FAM120A: variants seen among roughly 807,000 people sequenced by gnomAD.
FAM120A encodes the protein family with sequence similarity 120 member A.
Under a neutral mutation model 109.7 loss-of-function variants are expected in FAM120A, and 15 were observed. The ratio of observed to expected loss-of-function variants is 0.14; its 90% CI spans 0.09 to 0.21. The LOEUF (loss-of-function observed/expected upper bound fraction) is 0.21. Among genes scored for constraint, FAM120A ranks in the 10% least tolerant of loss-of-function variants. The pLI is 1.00. For missense variants in FAM120A, 899 were observed against 1,439.3 expected, an observed-to-expected ratio of 0.62 and a Z score of 6.07; for synonymous variants, 493 against 572.8, an observed-to-expected ratio of 0.86 and a Z score of 1.99.
intron 3 of FAM120A, among the ~76,000 whole-genome samples, chr9:93,477,377 T>C (rs1858593456): frequency 6.6e-6 from 1 of 152,258 alleles, no homozygotes; most frequent in African/African-American, 2.4e-5. Flanking sequence ...CTATAAAATG[T>C]TCTCCTTTTC....
At chr9:93,555,715 G>A (rs1212660386) in intron 12 of FAM120A, among the ~76,000 whole-genome samples, 1 of 152,226 alleles carries the variant, frequency 6.6e-6, no homozygotes, top group African/African-American at 2.4e-5. Context: ...ACTGAGGGAA[G>A]TAAAAGTCTG....
rs1480669346 is a variant in FAM120A at position 93,458,217 on chromosome 9, A to G, written c.474+5828A>G. On this transcript the variant is annotated intron_variant, in intron 1 of 17. Coordinates refer to ENST00000277165, the MANE Select transcript of FAM120A (RefSeq NM_014612.5). ...TCTAATTGCACTTTAGATACTCCAG[A>G]GCTTGGACCGTATAATTAGTGAGAA... Among the ~76,000 whole-genome samples the G allele has an allele frequency of 4.6e-5, 7 of 151,534 alleles. No homozygotes were observed. In the East Asian group the frequency reaches 9.7e-4, roughly 21 times the overall value.
intron 3 of FAM120A, among the ~76,000 whole-genome samples, chr9:93,488,282 C>G (rs887641127): frequency 6.6e-6 from 1 of 152,192 alleles, no homozygotes; most frequent in Admixed American, 6.6e-5. Context: ...ACTTCCTTCT[C>G]TTTAATCTCA....
intron 1 of FAM120A, among the ~76,000 whole-genome samples, chr9:93,463,794 G>A (rs1230756031): frequency 6.6e-6 from 1 of 152,136 alleles, no homozygotes; most frequent in African/African-American, 2.4e-5. Flanking sequence ...CCACATTAAC[G>A]GTATGTTTTC....
intron 1 of FAM120A, among the ~76,000 whole-genome samples, chr9:93,466,720 C>A (rs1436104060): frequency 6.6e-6 from 1 of 152,044 alleles, no homozygotes; most frequent in Non-Finnish European, 1.5e-5. Flanking sequence ...TCTGTACCCA[C>A]CTATGTGTGT....
chr9:93,527,614 A>ATTTTTTTTTTTTTTTTTT (rs67894788), intron 8 of FAM120A, among the ~76,000 whole-genome samples: 5 of 80,638 alleles, frequency 6.2e-5, no homozygotes, highest in Non-Finnish European at 1.2e-4. Flanking sequence ...TTTGTATTTA[A>ATTTTTTTTTTTTTTTTTT]TTTTTTTTTT....
intron 1 of FAM120A, chr9:93,453,004 G>C (rs1323616820): frequency 8.0e-7 from 1 of 1,247,630 alleles, no homozygotes; most frequent in Non-Finnish European, 1.0e-6. Context: ...GGTGTTTAGA[G>C]AATCTTTCTA....
intron 10 of FAM120A, 72 bp from the exon 11 acceptor site, chr9:93,543,150 C>T: frequency 6.4e-7 from 1 of 1,554,650 alleles, no homozygotes; most frequent in Non-Finnish European, 8.7e-7. Flanking sequence ...ACTAGAGCTG[C>T]TTGTTTTTGT....
chr9:93,522,604 T>A (rs560215215), intron 7 of FAM120A, among the ~76,000 whole-genome samples: 36 of 152,370 alleles, frequency 2.4e-4, no homozygotes, highest in African/African-American at 8.4e-4. Flanking sequence ...CATTTTTAAA[T>A]GGATATGTAA....
chr9:93,496,950 C>A (rs1443212665), intron 3 of FAM120A, among the ~76,000 whole-genome samples: 1 of 152,216 alleles, frequency 6.6e-6, no homozygotes, highest in African/African-American at 2.4e-5. Context: ...CCAGTTAGAG[C>A]TGAAGTTGGC....
intron 2 of FAM120A, among the ~76,000 whole-genome samples, chr9:93,473,179 G>C (rs982605088): frequency 3.3e-5 from 5 of 152,028 alleles, no homozygotes; most frequent in South Asian, 2.1e-4. Context: ...ACCACGCCCG[G>C]TTAATTTTTA....
At chr9:93,457,373 T>C (rs978599187) in intron 1 of FAM120A, among the ~76,000 whole-genome samples, 3 of 151,458 alleles carry the variant, frequency 2.0e-5, no homozygotes, top group East Asian at 1.9e-4. Flanking sequence ...TTATATAATA[T>C]ATATTATTAT....
intron 1 of FAM120A, among the ~76,000 whole-genome samples, chr9:93,470,860 G>A (rs1272498297): frequency 1.3e-5 from 2 of 152,048 alleles, no homozygotes; most frequent in African/African-American, 4.8e-5. Flanking sequence ...GTATTTTCAA[G>A]CAAGGTGATC....
At chr9:93,499,563 C>T (rs978495243) in intron 5 of FAM120A, among the ~76,000 whole-genome samples, 1 of 152,184 alleles carries the variant, frequency 6.6e-6, no homozygotes, top group Non-Finnish European at 1.5e-5. Flanking sequence ...GCTGGGATTA[C>T]AGGCATGAGC....
intron 3 of FAM120A, among the ~76,000 whole-genome samples, chr9:93,494,137 C>T (rs1015740842): frequency 1.3e-5 from 2 of 152,188 alleles, no homozygotes; most frequent in African/African-American, 4.8e-5. Context: ...CAGGAAGCTT[C>T]AGCTGCAGCT....
At chr9:93,509,317 G>A (rs1194485174) in intron 5 of FAM120A, among the ~76,000 whole-genome samples, 1 of 152,236 alleles carries the variant, frequency 6.6e-6, no homozygotes, top group Non-Finnish European at 1.5e-5. Context: ...CTGCAGAGGA[G>A]TGGGCTCAGC....
chr9:93,499,585 G>T (rs1405471185), intron 5 of FAM120A, among the ~76,000 whole-genome samples: 3 of 152,184 alleles, frequency 2.0e-5, no homozygotes, highest in Non-Finnish European at 2.9e-5. Context: ...ACCACGTTCA[G>T]CCTGCAAAAG....
At position 93,500,182 on chromosome 9, in the gene FAM120A, G is replaced by A. The variant is rs376177951; in HGVS notation, c.1030+1296G>A. On this transcript the variant is annotated intron_variant, in intron 5 of 17. Coordinates refer to ENST00000277165, the MANE Select transcript of FAM120A (RefSeq NM_014612.5). The surrounding 1 kb of genome is among the most constrained non-coding windows in gnomAD (Gnocchi z 4.6). ...GCCAAAGTAATGTTTAAAAATGGCA[G>A]TTGGACTGTGCTACTCCCATGCTCA... Among the ~76,000 whole-genome samples, 14 of 152,238 alleles carry A rather than the reference G, an allele frequency of 9.2e-5. No homozygotes were observed. The highest frequency in any genetic ancestry group is 7.7e-4 in the East Asian group (4 of 5,200).
chr9:93,495,129 G>A (rs1386124576), intron 3 of FAM120A, among the ~76,000 whole-genome samples: 3 of 152,156 alleles, frequency 2.0e-5, no homozygotes, highest in South Asian at 2.1e-4. Context: ...CAGGCCCTCC[G>A]TGGCTGCCAA....
Sources: gnomAD v4.1 joint callset for allele counts (sites outside exome capture counted in the v4.1 genomes callset) on GRCh38, gnomAD v4.1.1 for gene constraint, Gnocchi (gnomAD v3.1) non-coding constraint, MANE v1.5 for transcripts, NCBI Gene and HGNC (gene_info 2026-07-23, HGNC 2026-07-21) for gene names.